Variants in RPS6KA2 observed in about 807,000 individuals in gnomAD.
RPS6KA2 encodes the protein ribosomal protein S6 kinase A2.
RPS6KA2 carries 42 observed loss-of-function variants against 91.8 expected under a neutral mutation model. That is an observed-to-expected ratio of 0.46 (90% CI 0.36 to 0.59). The LOEUF (loss-of-function observed/expected upper bound fraction) is 0.59, where lower values mean the gene tolerates loss of function less well. Among genes scored for constraint, RPS6KA2 ranks in the 20% least tolerant of loss-of-function variants. RPS6KA2 has a pLI of 0.00. For missense variants in RPS6KA2, 798 were observed against 978.5 expected (o/e 0.82, Z 2.46); for synonymous variants, 414 against 393.6 (o/e 1.05, Z -0.61).
At chr6:166,623,377 G>A (rs1470291605) in intron 1 of RPS6KA2, among the ~76,000 whole-genome samples, 1 of 152,238 alleles carries the variant, frequency 6.6e-6, no homozygotes, top group East Asian at 1.9e-4. Flanking sequence ...GTTGAGTGGG[G>A]AGAAGATTCC....
At chr6:166,513,492 A>G (rs1782539721) in intron 3 of RPS6KA2, among the ~76,000 whole-genome samples, 1 of 152,204 alleles carries the variant, frequency 6.6e-6, no homozygotes, top group African/African-American at 2.4e-5. Flanking sequence ...CTTACAGAAG[A>G]GGAAACATGC....
At chr6:166,772,715 G>A (rs1043028626) in intron 2 of RPS6KA2, among the ~76,000 whole-genome samples, 2 of 152,164 alleles carry the variant, frequency 1.3e-5, no homozygotes, top group Admixed American at 6.5e-5. Context: ...CACAGATGGC[G>A]CTACTAAGCC....
At chr6:166,416,276 G>A (rs1225150492) in intron 19 of RPS6KA2, among the ~76,000 whole-genome samples, 50 of 4,798 alleles carry the variant, frequency 0.01, no homozygotes, top group South Asian at 0.044. Context: ...TGTCACCTCT[G>A]CCGTCACCCT....
chr6:166,844,379 T>C (rs1780559261), intron 2 of RPS6KA2, among the ~76,000 whole-genome samples: 1 of 152,194 alleles, frequency 6.6e-6, no homozygotes, highest in Non-Finnish European at 1.5e-5. Context: ...TTGCCCAGCC[T>C]TGCTAGAGAT....
intron 2 of RPS6KA2, among the ~76,000 whole-genome samples, chr6:166,814,084 C>G (rs945037346): frequency 6.6e-6 from 1 of 152,166 alleles, no homozygotes; most frequent in African/African-American, 2.4e-5. Flanking sequence ...ATGAAATATA[C>G]ATAATGTTTT....
intron 1 of RPS6KA2, among the ~76,000 whole-genome samples, chr6:166,614,200 G>GT (rs1423050102): frequency 9.8e-5 from 15 of 152,348 alleles, no homozygotes; most frequent in Admixed American, 9.1e-4. Context: ...ATTTGTGTAT[G>GT]TTTGAGATCA....
chr6:166,479,061 C>T (rs1347025352), intron 10 of RPS6KA2, among the ~76,000 whole-genome samples: 2 of 152,196 alleles, frequency 1.3e-5, no homozygotes, highest in African/African-American at 4.8e-5. Context: ...TCTCCTCTTT[C>T]GCTGCTGCTC....
intron 1 of RPS6KA2, among the ~76,000 whole-genome samples, chr6:166,574,504 G>A (rs1583292509): frequency 1.3e-5 from 2 of 152,294 alleles, no homozygotes; most frequent in Admixed American, 1.3e-4. Flanking sequence ...TCTTTTTATG[G>A]CTGTGTAGTA....
chr6:166,675,581 T>G (rs558996131), intron 2 of RPS6KA2, among the ~76,000 whole-genome samples: 1 of 151,926 alleles, frequency 6.6e-6, no homozygotes, highest in Admixed American at 6.6e-5. Context: ...TCCACAGCCA[T>G]GGACAACATG....
intron 2 of RPS6KA2, among the ~76,000 whole-genome samples, chr6:166,668,751 TC>T (rs894870930): frequency 6.6e-6 from 1 of 152,216 alleles, no homozygotes; most frequent in Non-Finnish European, 1.5e-5. Context: ...AGAAACTGGT[TC>T]CAATAGCTTT....
intron 11 of RPS6KA2, among the ~76,000 whole-genome samples, chr6:166,462,348 C>A (rs1332084468): frequency 1.3e-5 from 2 of 152,246 alleles, no homozygotes; most frequent in Admixed American, 6.5e-5. Context: ...GCAGGCACCA[C>A]AGCCTCGCTT....
At chr6:166,509,901 CA>C (rs1307958921) in intron 4 of RPS6KA2, among the ~76,000 whole-genome samples, 1 of 152,146 alleles carries the variant, frequency 6.6e-6, no homozygotes, top group Non-Finnish European at 1.5e-5. Flanking sequence ...GAGGTGTTAC[CA>C]TTTCTGGTTT....
intron 1 of RPS6KA2, among the ~76,000 whole-genome samples, chr6:166,561,232 T>C (rs975305116): frequency 2.6e-5 from 4 of 152,178 alleles, no homozygotes; most frequent in Non-Finnish European, 5.9e-5. Context: ...AGCCCTGACC[T>C]GCAAATGTGT....
chr6:166,715,531 A>T (rs1359417334), intron 2 of RPS6KA2, among the ~76,000 whole-genome samples: 1 of 152,232 alleles, frequency 6.6e-6, no homozygotes, highest in East Asian at 1.9e-4. Flanking sequence ...ATCCAACAAC[A>T]GATGCAAGCA....
intron 10 of RPS6KA2, among the ~76,000 whole-genome samples, chr6:166,480,121 G>T (rs1316885449): frequency 6.6e-6 from 1 of 152,050 alleles, no homozygotes; most frequent in African/African-American, 2.4e-5. Context: ...CTTTACTTTT[G>T]CAGAGATTTT....
Position 166,432,435 on chromosome 6 carries a change from T to TA in RPS6KA2, c.1387dup (p.Tyr463LeufsTer15). ...GGTGATGATGTTCGGGTGCTGGCCG[T>TA]ACCGCAGGAGGATCTCAATCTCTTC... is the stretch of plus-strand genomic sequence containing the variant. On this transcript the variant is annotated frameshift_variant, in exon 15 of 21. Transcript: ENST00000265678. LOFTEE classifies it high-confidence loss of function. 1 of 1,613,906 alleles carries TA rather than the reference T, an allele frequency of 6.2e-7. No individual in the cohort carries two copies. Among genetic ancestry groups the TA allele is most frequent in the Non-Finnish European group, 8.5e-7 (1 of 1,179,804 alleles).
At chr6:166,463,865 T>A (rs530295865) in intron 11 of RPS6KA2, among the ~76,000 whole-genome samples, 2 of 152,324 alleles carry the variant, frequency 1.3e-5, no homozygotes, top group South Asian at 4.1e-4. Flanking sequence ...AGCGTCACGA[T>A]GGGTGTGACA....
intron 2 of RPS6KA2, among the ~76,000 whole-genome samples, chr6:166,744,436 G>C (rs1383223457): frequency 6.6e-6 from 1 of 152,248 alleles, no homozygotes; most frequent in Non-Finnish European, 1.5e-5. Flanking sequence ...TGAGGCCTCT[G>C]GGGGTAGGCT....
intron 1 of RPS6KA2, among the ~76,000 whole-genome samples, chr6:166,600,362 C>T (rs956819384): frequency 9.2e-5 from 14 of 152,328 alleles, no homozygotes; most frequent in African/African-American, 2.2e-4. Flanking sequence ...AGGGCAGAGA[C>T]GATGTCTGTC....
Sources: allele counts gnomAD v4.1 joint callset (sites outside exome capture counted in the v4.1 genomes callset), GRCh38; gene constraint gnomAD v4.1.1; transcripts MANE v1.5; gene names NCBI Gene and HGNC (gene_info 2026-07-23, HGNC 2026-07-21).